RBFOX1: variants seen among roughly 807,000 people sequenced by gnomAD.
RBFOX1 encodes RNA binding protein fox-1 homolog 1.
A neutral mutation model predicts 57.7 loss-of-function variants in RBFOX1; 8 were observed. The ratio of observed to expected loss-of-function variants is 0.14; its 90% confidence interval spans 0.08 to 0.25. The LOEUF is 0.25. Among genes scored for constraint, RBFOX1 ranks in the 10% least tolerant of loss-of-function variants. The pLI is 1.00. For missense variants in RBFOX1, 611 were observed against 548.5 expected (o/e 1.11, Z -1.14); for synonymous variants, 326 against 222.4 (o/e 1.47, Z -4.15).
chr16:7,178,803 T>C (rs1169505363), intron 4 of RBFOX1, among the ~76,000 whole-genome samples: 1 of 152,210 alleles, frequency 6.6e-6, no homozygotes, highest in Non-Finnish European at 1.5e-5. Context: ...AGGTGAGACA[T>C]CGGGTTTCAC....
intron 5 of RBFOX1, among the ~76,000 whole-genome samples, chr16:7,563,689 C>T (rs1012161611): frequency 2.6e-5 from 4 of 152,186 alleles, no homozygotes; most frequent in Admixed American, 2.0e-4. Context: ...AGACTGGTCT[C>T]CAACTCCTGA....
chr16:5,510,286 G>T (rs2043536852), intron 2 of RBFOX1, among the ~76,000 whole-genome samples: 1 of 152,176 alleles, frequency 6.6e-6, no homozygotes, highest in Non-Finnish European at 1.5e-5. Flanking sequence ...AGTTGCGTGG[G>T]GTTCAGCAGA....
At chr16:6,850,270 A>G (rs2093993821) in intron 3 of RBFOX1, among the ~76,000 whole-genome samples, 1 of 152,196 alleles carries the variant, frequency 6.6e-6, no homozygotes. Context: ...AAATAAAAGT[A>G]AATAAATAAT....
intron 4 of RBFOX1, among the ~76,000 whole-genome samples, chr16:7,368,576 A>G (rs960890384): frequency 2.0e-5 from 3 of 152,010 alleles, no homozygotes; most frequent in Non-Finnish European, 4.4e-5. Context: ...CAGGAGATCA[A>G]GACCATCCTG....
intron 13 of RBFOX1, among the ~76,000 whole-genome samples, chr16:7,675,264 T>A (rs2072927584): frequency 6.6e-6 from 1 of 152,200 alleles, no homozygotes; most frequent in Non-Finnish European, 1.5e-5. Context: ...AGTGCTGTTA[T>A]AACTGCTTTG....
intron 4 of RBFOX1, among the ~76,000 whole-genome samples, chr16:5,993,896 A>T (rs1237236854): frequency 6.6e-6 from 1 of 152,146 alleles, no homozygotes; most frequent in Non-Finnish European, 1.5e-5. Context: ...TTATTTAGTG[A>T]AGCAGGTCCC....
At chr16:7,174,597 G>T (rs2081302088) in intron 4 of RBFOX1, among the ~76,000 whole-genome samples, 1 of 152,072 alleles carries the variant, frequency 6.6e-6, no homozygotes, top group Admixed American at 6.5e-5. Context: ...CCTGGTGTAG[G>T]TGGTGAAACC....
chr16:6,528,466 C>A (rs1356063196), intron 2 of RBFOX1, among the ~76,000 whole-genome samples: 1 of 152,124 alleles, frequency 6.6e-6, no homozygotes, highest in Non-Finnish European at 1.5e-5. Flanking sequence ...TTACATGCAC[C>A]CTACAGCATC....
chr16:6,134,976 C>G (rs1264611626), intron 1 of RBFOX1, among the ~76,000 whole-genome samples: 1 of 152,128 alleles, frequency 6.6e-6, no homozygotes, highest in Admixed American at 6.6e-5. Flanking sequence ...GGTATATCTC[C>G]AACTGCTGTC....
At chr16:7,389,166 C>A (rs1049713278) in intron 4 of RBFOX1, among the ~76,000 whole-genome samples, 5 of 152,098 alleles carry the variant, frequency 3.3e-5, no homozygotes, top group African/African-American at 1.2e-4. Flanking sequence ...CACTGTGTCA[C>A]CCAGGCTGGA....
chr16:7,152,380 C>T (rs987599777), intron 4 of RBFOX1, among the ~76,000 whole-genome samples: 2 of 152,198 alleles, frequency 1.3e-5, no homozygotes, highest in African/African-American at 4.8e-5. Context: ...ATGGTTGCAT[C>T]CAGTACCTAA....
intron 4 of RBFOX1, among the ~76,000 whole-genome samples, chr16:7,460,660 C>T (rs915074542): frequency 6.6e-6 from 1 of 151,292 alleles, no homozygotes; most frequent in Non-Finnish European, 1.5e-5. Context: ...CACAACAAAC[C>T]ACCATGACAC....
At chr16:7,368,203 G>T (rs1310819703) in intron 4 of RBFOX1, among the ~76,000 whole-genome samples, 2 of 150,306 alleles carry the variant, frequency 1.3e-5, no homozygotes, top group Non-Finnish European at 3.0e-5. Context: ...GGAGGTGGAG[G>T]TTGCAATAAG....
chr16:6,999,466 G>C (rs1444376764), intron 3 of RBFOX1, among the ~76,000 whole-genome samples: 1 of 150,240 alleles, frequency 6.7e-6, no homozygotes, highest in Non-Finnish European at 1.5e-5. Context: ...ACGGAGTCTT[G>C]CTCTGTCACC....
intron 2 of RBFOX1, among the ~76,000 whole-genome samples, chr16:5,534,297 A>G (rs551763197): frequency 3.3e-5 from 5 of 152,172 alleles, no homozygotes; most frequent in Non-Finnish European, 1.5e-5. Flanking sequence ...ATATGTATAC[A>G]TGAAAGGGAG....
At chr16:6,624,931 G>A (rs181537389) in intron 2 of RBFOX1, among the ~76,000 whole-genome samples, 3 of 152,100 alleles carry the variant, frequency 2.0e-5, no homozygotes, top group African/African-American at 4.8e-5. Context: ...GGTCGAGGTC[G>A]AGGCAGGTGG....
intron 13 of RBFOX1, among the ~76,000 whole-genome samples, chr16:7,675,561 G>C (rs1201393477): frequency 6.6e-6 from 1 of 152,198 alleles, no homozygotes; most frequent in African/African-American, 2.4e-5. Flanking sequence ...TACTCTGAAA[G>C]TTAACTGTGC....
chr16:6,191,414 C>T (rs74316601), intron 1 of RBFOX1, among the ~76,000 whole-genome samples: 1 of 152,070 alleles, frequency 6.6e-6, no homozygotes, highest in South Asian at 2.1e-4. Flanking sequence ...CTTTGAGTCA[C>T]TCTTGAGAAT....
intron 3 of RBFOX1, among the ~76,000 whole-genome samples, chr16:6,947,410 A>G (rs2079769812): frequency 6.6e-6 from 1 of 152,196 alleles, no homozygotes; most frequent in African/African-American, 2.4e-5. Flanking sequence ...AAGAGAAGGA[A>G]CAGATGGGAG....
Sources: allele counts gnomAD v4.1 joint callset (sites outside exome capture counted in the v4.1 genomes callset), GRCh38; gene constraint gnomAD v4.1.1; transcripts MANE v1.5; gene names NCBI Gene and HGNC (gene_info 2026-07-23, HGNC 2026-07-21).